The following DOCK5 variants were observed in gnomAD, a reference collection of about 807,000 sequenced individuals.
DOCK5 encodes the protein dedicator of cytokinesis protein 5.
A neutral mutation model predicts 251.8 loss-of-function variants in DOCK5; 142 were observed. The ratio of observed to expected loss-of-function variants is 0.56; its 90% confidence interval spans 0.49 to 0.65. The LOEUF is 0.65. DOCK5 is among the 30% of genes least tolerant of loss of function. The pLI, the probability that DOCK5 is intolerant of heterozygous loss-of-function variation, is 0.00. For missense variants in DOCK5, 2,111 were observed against 2,312.3 expected (o/e 0.91, Z 1.79); for synonymous variants, 842 against 835.5 (o/e 1.01, Z -0.13).
chr8:25,370,303 A>G (rs779779547), intron 34 of DOCK5, among the ~76,000 whole-genome samples: 1 of 152,232 alleles, frequency 6.6e-6, no homozygotes, highest in Non-Finnish European at 1.5e-5. Context: ...TTTTCGCCAC[A>G]TATTAAGAGT....
At chr8:25,280,976 T>G (rs188892684) in intron 5 of DOCK5, among the ~76,000 whole-genome samples, 4 of 152,032 alleles carry the variant, frequency 2.6e-5, no homozygotes, top group African/African-American at 4.8e-5. Flanking sequence ...AAAGGAGTTT[T>G]TTTTTTTTTT....
chr8:25,217,873 A>G (rs572090886), intron 1 of DOCK5, among the ~76,000 whole-genome samples: 1 of 152,242 alleles, frequency 6.6e-6, no homozygotes, highest in Non-Finnish European at 1.5e-5. Flanking sequence ...AACATTTGCA[A>G]TCCCAGTCTT....
chr8:25,274,635 A>G (rs1239551746), intron 3 of DOCK5, among the ~76,000 whole-genome samples: 1 of 152,154 alleles, frequency 6.6e-6, no homozygotes, highest in Non-Finnish European at 1.5e-5. Context: ...TAGAATGGAG[A>G]GCAGTTTGAC....
chr8:25,189,291 C>T (rs982210391), intron 1 of DOCK5, among the ~76,000 whole-genome samples: 2 of 152,052 alleles, frequency 1.3e-5, no homozygotes, highest in African/African-American at 4.8e-5. Flanking sequence ...CTCTTGGCCT[C>T]GTGTGCTCCT....
intron 48 of DOCK5, among the ~76,000 whole-genome samples, chr8:25,404,456 G>A (rs1279186920): frequency 6.6e-6 from 1 of 152,008 alleles, no homozygotes. Flanking sequence ...TTGGATATTT[G>A]CGTTATACCT....
intron 1 of DOCK5, among the ~76,000 whole-genome samples, chr8:25,223,312 C>CTTTA (rs1007038273): frequency 4.6e-5 from 7 of 152,122 alleles, no homozygotes; most frequent in East Asian, 3.9e-4. Flanking sequence ...AGCCAGAATG[C>CTTTA]TTTATTTATT....
intron 1 of DOCK5, among the ~76,000 whole-genome samples, chr8:25,218,015 T>C (rs573332704): frequency 1.3e-5 from 2 of 152,308 alleles, no homozygotes; most frequent in South Asian, 4.1e-4. Flanking sequence ...GATGTACTTA[T>C]GAGAAAAACA....
intron 22 of DOCK5, among the ~76,000 whole-genome samples, chr8:25,339,260 A>C (rs1200245357): frequency 6.6e-6 from 1 of 152,128 alleles, no homozygotes; most frequent in Non-Finnish European, 1.5e-5. Context: ...GCAAAACACC[A>C]AGAAAAAATT....
chr8:25,314,199 T>C (rs1438981227), intron 13 of DOCK5, among the ~76,000 whole-genome samples: 1 of 149,536 alleles, frequency 6.7e-6, no homozygotes, highest in African/African-American at 2.5e-5. Flanking sequence ...TAAGCCTCGA[T>C]CTCCGAGGCT....
intron 2 of DOCK5, among the ~76,000 whole-genome samples, chr8:25,246,492 T>C (rs986667115): frequency 6.6e-6 from 1 of 152,136 alleles, no homozygotes; most frequent in African/African-American, 2.4e-5. Context: ...CAGGCTGGTC[T>C]CGTGGCCAAC....
At chr8:25,226,888 C>G (rs1802548458) in intron 1 of DOCK5, among the ~76,000 whole-genome samples, 3 of 152,156 alleles carry the variant, frequency 2.0e-5, no homozygotes. Context: ...CCCGGCTCCT[C>G]CATGTTTTAA....
Position 25,415,391 on chromosome 8 carries a change from A to G in DOCK5, c.*4093A>G, listed in dbSNP as rs1316146825. The stretch of plus-strand genomic sequence containing the variant: ...TGATATATCTGGCTTTTACAATTAA[A>G]TTGGAAAAGGTAAGTTTCTCTTTGG... On this transcript the variant is annotated 3_prime_UTR_variant, in exon 52 of 52. Coordinates refer to ENST00000276440, the MANE Select transcript of DOCK5 (RefSeq NM_024940.8). 2 of 152,268 alleles carry G rather than the reference A, an allele frequency of 1.3e-5. No individual in the cohort carries two copies. The highest frequency in any genetic ancestry group is 1.3e-4 in the Admixed American group (2 of 15,290). The allele number at this position is 152,268 out of a possible 1,614,324, so 9.4% of individuals were successfully genotyped here.
intron 48 of DOCK5, 130 bp downstream of exon 48, chr8:25,403,854 G>A: frequency 2.1e-6 from 2 of 947,600 alleles, no homozygotes; most frequent in Non-Finnish European, 3.1e-6. Context: ...CATGAGGAAT[G>A]TCATGATTAG....
chr8:25,397,555 T>C (rs1014947272), intron 45 of DOCK5, among the ~76,000 whole-genome samples: 6 of 152,228 alleles, frequency 3.9e-5, no homozygotes, highest in Admixed American at 6.5e-5. Context: ...CCATGTTAGG[T>C]GCCATAATAA....
At chr8:25,187,010 G>C (rs1801444992) in intron 1 of DOCK5, among the ~76,000 whole-genome samples, 1 of 151,634 alleles carries the variant, frequency 6.6e-6, no homozygotes, top group Non-Finnish European at 1.5e-5. Flanking sequence ...AACTAGCATA[G>C]CAACATGGCA....
chr8:25,342,398 C>G lies in DOCK5; in HGVS notation c.2511-3C>G. On this transcript the variant is annotated splice_region_variant and splice_polypyrimidine_tract_variant and intron_variant, in intron 24 of 51. Transcript: ENST00000276440. ...ACTACTAACCCTGAGGTTTCTCTCC[C>G]AGCGTGCTCTTCTGCAAATTCATTC... is the stretch of plus-strand genomic sequence containing the variant. 6.3e-7 allele frequency: 1 copy of G among 1,580,458 alleles called. No homozygotes were observed. Among genetic ancestry groups the G allele is most frequent in the Non-Finnish European group, 8.6e-7 (1 of 1,160,926 alleles).
chr8:25,332,252 T>C lies in DOCK5; in HGVS notation c.1905T>C (p.Val635=), dbSNP rs1805699571. Residue 635 remains valine, a splice_region_variant and synonymous_variant, in exon 19 of 52, where the codon GTT becomes GTC. Transcript: ENST00000276440. ...AATGTTTGTGGTTGTTCTTCCTAGT[T>C]GACCTGTTAGGCTTGTTAAATTGGC... ...LICSTKLTQN[V]DLLGLLNWRS... The C allele has an allele frequency of 6.2e-7, 1 of 1,613,002 alleles. No individual in the cohort carries two copies. Among genetic ancestry groups the C allele is most frequent in the Non-Finnish European group, 8.5e-7 (1 of 1,179,278 alleles).
chr8:25,290,950 A>G (rs2117149573), intron 5 of DOCK5, among the ~76,000 whole-genome samples: 1 of 152,284 alleles, frequency 6.6e-6, no homozygotes, highest in Non-Finnish European at 1.5e-5. Context: ...AGAAAAGGAT[A>G]GGGGTGGGGT....
chr8:25,220,706 G>A (rs1001069288), intron 1 of DOCK5, among the ~76,000 whole-genome samples: 1 of 152,138 alleles, frequency 6.6e-6, no homozygotes, highest in African/African-American at 2.4e-5. Context: ...CCGCCTCTGG[G>A]GTTCAAAGTG....
Sources: allele counts gnomAD v4.1 joint callset (sites outside exome capture counted in the v4.1 genomes callset), GRCh38; gene constraint gnomAD v4.1.1; transcripts MANE v1.5; gene names NCBI Gene and HGNC (gene_info 2026-07-23, HGNC 2026-07-21).